The following CSMD1 variants were observed in gnomAD, a reference collection of about 807,000 sequenced individuals.
CSMD1 encodes CUB and Sushi multiple domains 1, also known as CUB and sushi domain-containing protein 1.
CSMD1 carries 213 observed loss-of-function variants against 417.5 expected under a neutral mutation model. The observed-to-expected ratio is 0.51, with a 90% CI of 0.46 to 0.57. The LOEUF (loss-of-function observed/expected upper bound fraction) is 0.57. Ranked by LOEUF, CSMD1 falls within the 20% of genes least tolerant of loss-of-function variation. The pLI, the probability that CSMD1 is intolerant of heterozygous loss-of-function variation, is 0.00. For synonymous variants in CSMD1, 2,862 were observed against 1,736.8 expected, an observed-to-expected ratio of 1.65 and a Z score of -16.11; for missense variants, 6,923 against 4,529.7, an observed-to-expected ratio of 1.53 and a Z score of -15.17.
intron 18 of CSMD1, among the ~76,000 whole-genome samples, chr8:3,379,413 G>C (rs1053085421): frequency 6.6e-6 from 1 of 152,052 alleles, no homozygotes; most frequent in African/African-American, 2.4e-5. Context: ...ATGTCATATG[G>C]AACCAAAAAA....
chr8:3,769,905 G>C (rs1798479547), intron 5 of CSMD1, among the ~76,000 whole-genome samples: 1 of 152,212 alleles, frequency 6.6e-6, no homozygotes, highest in Non-Finnish European at 1.5e-5. Context: ...GGACTTTTGA[G>C]AAATGCCTAT....
intron 1 of CSMD1, among the ~76,000 whole-genome samples, chr8:4,743,976 C>G (rs1810790912): frequency 1.3e-5 from 2 of 152,316 alleles, no homozygotes; most frequent in South Asian, 2.1e-4. Context: ...ATGACGGACT[C>G]TAAAACAAAC....
intron 4 of CSMD1, among the ~76,000 whole-genome samples, chr8:3,999,604 C>G (rs1032180027): frequency 1.3e-5 from 2 of 152,144 alleles, no homozygotes; most frequent in African/African-American, 4.8e-5. Flanking sequence ...GTTGACAGCA[C>G]ACGGTTTTTG....
intron 18 of CSMD1, among the ~76,000 whole-genome samples, chr8:3,372,531 C>T (rs1425563988): frequency 6.6e-6 from 1 of 152,126 alleles, no homozygotes; most frequent in Non-Finnish European, 1.5e-5. Flanking sequence ...TGGTCTGAAC[C>T]TGCCTGTGTC....
intron 27 of CSMD1, among the ~76,000 whole-genome samples, chr8:3,225,927 A>G (rs1214161526): frequency 6.6e-6 from 1 of 152,252 alleles, no homozygotes; most frequent in African/African-American, 2.4e-5. Flanking sequence ...GGAATAGACA[A>G]AGAGATAAAA....
intron 40 of CSMD1, among the ~76,000 whole-genome samples, chr8:3,147,208 G>A (rs10109874): frequency 0.35 from 52,728 of 151,946 alleles, 12,894 homozygotes; most frequent in African/African-American, 0.7. Flanking sequence ...TTGCAAGAAC[G>A]ATTTTTTCTT....
At chr8:4,781,650 A>G (rs757147706) in intron 1 of CSMD1, among the ~76,000 whole-genome samples, 2 of 152,198 alleles carry the variant, frequency 1.3e-5, no homozygotes, top group Non-Finnish European at 2.9e-5. Context: ...AATGTCCTCA[A>G]TGTATTCAAC....
intron 3 of CSMD1, among the ~76,000 whole-genome samples, chr8:4,127,045 G>A (rs985358018): frequency 6.6e-6 from 1 of 151,480 alleles, no homozygotes; most frequent in African/African-American, 2.4e-5. Flanking sequence ...CAAAATCATA[G>A]TTCAAGTTTT....
At chr8:3,527,610 C>G (rs183999199) in intron 10 of CSMD1, among the ~76,000 whole-genome samples, 63 of 152,008 alleles carry the variant, frequency 4.1e-4, no homozygotes, top group Non-Finnish European at 7.5e-4. Flanking sequence ...ACACGGGCAT[C>G]TAAGAGTCCA....
chr8:4,467,855 G>A (rs908528375), intron 2 of CSMD1, among the ~76,000 whole-genome samples: 1 of 152,154 alleles, frequency 6.6e-6, no homozygotes, highest in African/African-American at 2.4e-5. Flanking sequence ...AAAAGTCAGT[G>A]AAAAGGAGTT....
chr8:3,967,156 A>G (rs1812729396), intron 5 of CSMD1, among the ~76,000 whole-genome samples: 1 of 151,320 alleles, frequency 6.6e-6, no homozygotes, highest in African/African-American at 2.4e-5. Context: ...CTGCTACTTA[A>G]AATGTTTATG....
intron 3 of CSMD1, among the ~76,000 whole-genome samples, chr8:4,316,402 C>A (rs980794415): frequency 2.0e-5 from 3 of 152,064 alleles, no homozygotes; most frequent in Non-Finnish European, 4.4e-5. Flanking sequence ...CTTGGACTTA[C>A]CAAGACAATT....
chr8:3,952,068 T>C (rs968921811), intron 5 of CSMD1, among the ~76,000 whole-genome samples: 1 of 152,186 alleles, frequency 6.6e-6, no homozygotes, highest in South Asian at 2.1e-4. Flanking sequence ...AATTCATTAG[T>C]TGTTTGAATA....
chr8:3,236,343 AC>A (rs1456830069), intron 26 of CSMD1, among the ~76,000 whole-genome samples: 9 of 152,132 alleles, frequency 5.9e-5, no homozygotes, highest in African/African-American at 2.2e-4. Context: ...GTTTAAACAA[AC>A]CCCCAAACAC....
intron 1 of CSMD1, among the ~76,000 whole-genome samples, chr8:4,740,007 C>G (rs939237086): frequency 1.3e-5 from 2 of 152,092 alleles, no homozygotes; most frequent in Admixed American, 1.3e-4. Flanking sequence ...CTTCCTTTCC[C>G]ACCCTGAGCT....
intron 54 of CSMD1, among the ~76,000 whole-genome samples, chr8:2,982,873 A>T (rs1010956515): frequency 3.3e-5 from 5 of 152,116 alleles, no homozygotes; most frequent in Admixed American, 2.6e-4. Context: ...AAACGAAGCC[A>T]CCTGTCTGCA....
chr8:3,895,618 C>T (rs1807306997), intron 5 of CSMD1, among the ~76,000 whole-genome samples: 1 of 152,064 alleles, frequency 6.6e-6, no homozygotes, highest in Non-Finnish European at 1.5e-5. Context: ...TTAGTAAAGT[C>T]TCAAAAAGGG....
chr8:3,462,865 C>A (rs1816594058), intron 12 of CSMD1, among the ~76,000 whole-genome samples: 1 of 152,250 alleles, frequency 6.6e-6, no homozygotes, highest in Non-Finnish European at 1.5e-5. Flanking sequence ...AACCTAACCT[C>A]AAATTTGATG....
At chr8:4,353,191 G>C (rs557870581) in intron 3 of CSMD1, among the ~76,000 whole-genome samples, 6 of 152,306 alleles carry the variant, frequency 3.9e-5, no homozygotes, top group African/African-American at 1.2e-4. Context: ...CACGTGTCAA[G>C]TGTGGAGCCA....
Sources: gnomAD v4.1 joint callset for allele counts (sites outside exome capture counted in the v4.1 genomes callset) on GRCh38, gnomAD v4.1.1 for gene constraint, MANE v1.5 for transcripts, NCBI Gene and HGNC (gene_info 2026-07-23, HGNC 2026-07-21) for gene names.